PCDH15: variants seen among roughly 807,000 people sequenced by gnomAD.
The protein encoded by PCDH15 is protocadherin related 15.
Under a neutral mutation model 178.5 loss-of-function variants are expected in PCDH15, and 129 were observed. The observed-to-expected ratio is 0.72, with a 90% CI of 0.63 to 0.84. The LOEUF is 0.84. Ranked by LOEUF, PCDH15 falls within the 40% of genes least tolerant of loss-of-function variation. The pLI is 0.00. For missense variants in PCDH15, 2,230 were observed against 2,099.9 expected (o/e 1.06, Z -1.21); for synonymous variants, 800 against 732.0 (o/e 1.09, Z -1.50).
In PCDH15 at chr10:54,903,442, A is replaced by G. The variant is rs575820012; in HGVS notation, c.-79-5942T>C. 2.6e-5 allele frequency among the ~76,000 whole-genome samples: 4 copies of G among 152,298 alleles called. No homozygotes were observed. The South Asian group carries it at 6.2e-4, about 24-fold the overall frequency. ...CTTCCAAAGTATAATAGCTAAGAATATGATGATCACTTTGTTCCCCATTAG... is the reference window on the plus strand; with the variant it reads ...CTTCCAAAGTATAATAGCTAAGAATGTGATGATCACTTTGTTCCCCATTAG... On this transcript the variant is annotated intron_variant, in intron 2 of 5. Coordinates refer to the PCDH15 transcript ENST00000458638.
chr10:54,977,870 G>C (rs1297187793), intron 2 of PCDH15, among the ~76,000 whole-genome samples: 1 of 152,074 alleles, frequency 6.6e-6, no homozygotes, highest in Non-Finnish European at 1.5e-5. Context: ...AATTCTTACA[G>C]AAACATTGTA....
chr10:55,186,481 A>G (rs1175688663), intron 1 of PCDH15, among the ~76,000 whole-genome samples: 1 of 151,540 alleles, frequency 6.6e-6, no homozygotes, highest in African/African-American at 2.4e-5. Flanking sequence ...TTTCATTCAT[A>G]GACGTATCCT....
chr10:54,518,481 A>C (rs917043022), intron 3 of PCDH15, among the ~76,000 whole-genome samples: 8 of 152,106 alleles, frequency 5.3e-5, no homozygotes, highest in African/African-American at 1.7e-4. Context: ...TAAATTCCTC[A>C]ACACATACAC....
intron 2 of PCDH15, among the ~76,000 whole-genome samples, chr10:55,139,651 G>T (rs1838294836): frequency 6.6e-6 from 1 of 152,098 alleles, no homozygotes; most frequent in East Asian, 1.9e-4. Flanking sequence ...TCGATCTGCA[G>T]ATCTATTTTT....
At chr10:53,998,192 T>C (rs1197716155) in intron 20 of PCDH15, among the ~76,000 whole-genome samples, 1 of 152,186 alleles carries the variant, frequency 6.6e-6, no homozygotes, top group South Asian at 2.1e-4. Flanking sequence ...TCCTCCTCTG[T>C]AGTTAAGAAT....
At chr10:54,309,795 A>C (rs1379754798) in intron 8 of PCDH15, among the ~76,000 whole-genome samples, 1 of 152,070 alleles carries the variant, frequency 6.6e-6, no homozygotes, top group African/African-American at 2.4e-5. Context: ...TCCATCTCAA[A>C]AAAAGAAAAA....
intron 2 of PCDH15, among the ~76,000 whole-genome samples, chr10:55,613,980 G>A (rs1010256789): frequency 2.0e-5 from 3 of 152,030 alleles, no homozygotes; most frequent in African/African-American, 4.8e-5. Flanking sequence ...CGGGCATGGT[G>A]GTGGGTGCCT....
Position 54,753,924 on chromosome 10 carries a change from C to T in PCDH15, c.-29+47001G>A, listed in dbSNP as rs1398305651. Among the ~76,000 whole-genome samples the T allele has an allele frequency of 6.2e-5, 8 of 129,748 alleles. No individual in the cohort carries two copies. The East Asian group carries it at 1.9e-3, about 31-fold the overall frequency. The allele number at this position is 129,748 out of a possible 152,430, so 85.1% of individuals were successfully genotyped here. On this transcript the variant is annotated intron_variant, in intron 1 of 37. Coordinates refer to ENST00000644397, the MANE Select transcript of PCDH15 (RefSeq NM_001384140.1). Reference sequence around the variant, plus strand: ...TTTTTTTTTTTTTGAGACTGAATCTCGCTCTGTTGCCCAGGCTGGAGTGCA... The same window carrying T: ...TTTTTTTTTTTTTGAGACTGAATCTTGCTCTGTTGCCCAGGCTGGAGTGCA...
At chr10:54,296,102 G>C (rs1482463170) in intron 8 of PCDH15, among the ~76,000 whole-genome samples, 1 of 123,316 alleles carries the variant, frequency 8.1e-6, no homozygotes, top group African/African-American at 3.2e-5. Context: ...CCGAGATCCC[G>C]CCACTGCACT....
chr10:54,395,392 G>A (rs183461926), intron 3 of PCDH15, among the ~76,000 whole-genome samples: 1 of 150,628 alleles, frequency 6.6e-6, no homozygotes, highest in South Asian at 2.1e-4. Context: ...TTTCAACTTA[G>A]TGACTATTAT....
intron 18 of PCDH15, among the ~76,000 whole-genome samples, chr10:54,032,330 T>C (rs772634058): frequency 6.6e-6 from 1 of 152,014 alleles, no homozygotes; most frequent in Non-Finnish European, 1.5e-5. Flanking sequence ...CCACATGCCC[T>C]ATTGCTTTTT....
intron 1 of PCDH15, among the ~76,000 whole-genome samples, chr10:55,201,088 C>T (rs1840235159): frequency 6.6e-6 from 1 of 152,050 alleles, no homozygotes; most frequent in Non-Finnish European, 1.5e-5. Flanking sequence ...TGAGCAACAA[C>T]ACATAACCTG....
At chr10:55,254,243 C>T (rs146319296) in intron 1 of PCDH15, among the ~76,000 whole-genome samples, 104 of 152,234 alleles carry the variant, frequency 6.8e-4, no homozygotes, top group African/African-American at 2.3e-3. Flanking sequence ...GAAATTATAA[C>T]ATGGTACATA....
intron 1 of PCDH15, among the ~76,000 whole-genome samples, chr10:54,716,336 T>C (rs776965223): frequency 5.8e-4 from 89 of 152,138 alleles, no homozygotes; most frequent in Non-Finnish European, 1.0e-3. Flanking sequence ...CCTACTGGCC[T>C]AGAGTTTGAA....
At chr10:54,205,007 T>C (rs987862521) in intron 10 of PCDH15, among the ~76,000 whole-genome samples, 1 of 152,208 alleles carries the variant, frequency 6.6e-6, no homozygotes, top group Non-Finnish European at 1.5e-5. Context: ...TTTATTAGTT[T>C]AATTTTATCA....
At chr10:53,820,450 G>A (rs1266723569) in intron 32 of PCDH15, among the ~76,000 whole-genome samples, 1 of 151,914 alleles carries the variant, frequency 6.6e-6, no homozygotes, top group Non-Finnish European at 1.5e-5. Context: ...CGCATTGAAG[G>A]GGGCTCTCAA....
At chr10:54,487,079 G>T (rs1018506689) in intron 3 of PCDH15, among the ~76,000 whole-genome samples, 13 of 151,916 alleles carry the variant, frequency 8.6e-5, no homozygotes, top group Admixed American at 7.9e-4. Context: ...ATTTCAAGAA[G>T]CTAAGCCATA....
At chr10:55,175,922 G>A (rs1235477927) in intron 1 of PCDH15, among the ~76,000 whole-genome samples, 1 of 151,950 alleles carries the variant, frequency 6.6e-6, no homozygotes, top group Non-Finnish European at 1.5e-5. Flanking sequence ...AGGAAACATG[G>A]GGAAGCCACC....
intron 2 of PCDH15, among the ~76,000 whole-genome samples, chr10:55,332,723 G>A (rs904797533): frequency 6.6e-6 from 1 of 152,088 alleles, no homozygotes; most frequent in African/African-American, 2.4e-5. Flanking sequence ...TTGAATAAGT[G>A]TCAAAAGATC....
Sources: allele counts gnomAD v4.1 joint callset (sites outside exome capture counted in the v4.1 genomes callset), GRCh38; gene constraint gnomAD v4.1.1; transcripts MANE v1.5; gene names NCBI Gene and HGNC (gene_info 2026-07-23, HGNC 2026-07-21).